The following TEKT5 variants were observed in gnomAD, a reference collection of about 807,000 sequenced individuals.
TEKT5 encodes tektin 5, also known as tektin-5.
Under a neutral mutation model 48.7 loss-of-function variants are expected in TEKT5, and 52 were observed. The ratio of observed to expected loss-of-function variants is 1.07; its 90% confidence interval spans 0.86 to 1.35. The LOEUF is 1.35. Ranked by LOEUF, TEKT5 falls within the 40% of genes most tolerant of loss-of-function variation. The pLI, the probability that TEKT5 is intolerant of heterozygous loss-of-function variation, is 0.00. For missense variants in TEKT5, 831 were observed against 641.6 expected, an observed-to-expected ratio of 1.30 and a Z score of -3.19; for synonymous variants, 318 against 267.6, an observed-to-expected ratio of 1.19 and a Z score of -1.84.
At chr16:10,661,799 G>C (rs1436136619) in intron 5 of TEKT5, among the ~76,000 whole-genome samples, 1 of 152,104 alleles carries the variant, frequency 6.6e-6, no homozygotes, top group Non-Finnish European at 1.5e-5. Flanking sequence ...TGTGGCCTTG[G>C]CAAATCACCA....
At chr16:10,664,894 T>G (rs1335735396) in intron 5 of TEKT5, among the ~76,000 whole-genome samples, 1 of 152,222 alleles carries the variant, frequency 6.6e-6, no homozygotes, top group East Asian at 1.9e-4. Context: ...CACTAAGGGA[T>G]GGGCACAGCT....
intron 4 of TEKT5, among the ~76,000 whole-genome samples, chr16:10,679,805 G>C (rs906443144): frequency 2.0e-5 from 3 of 152,184 alleles, no homozygotes; most frequent in African/African-American, 7.2e-5. Context: ...GCTGAGGCAG[G>C]AGCATCGCTT....
chr16:10,679,484 A>T (rs1264985605), intron 4 of TEKT5, among the ~76,000 whole-genome samples: 1 of 151,564 alleles, frequency 6.6e-6, no homozygotes, highest in Non-Finnish European at 1.5e-5. Flanking sequence ...GTCTACTGCC[A>T]TCATCATTAT....
intron 5 of TEKT5, among the ~76,000 whole-genome samples, chr16:10,670,520 A>G (rs113662967): frequency 4.6e-5 from 7 of 152,352 alleles, no homozygotes; most frequent in African/African-American, 1.4e-4. Flanking sequence ...CTCCACCTCA[A>G]AAAAAGAAGA....
intron 6 of TEKT5, among the ~76,000 whole-genome samples, chr16:10,630,002 C>A (rs2142253346): frequency 6.6e-6 from 1 of 152,180 alleles, no homozygotes; most frequent in Middle Eastern, 3.4e-3. Context: ...GTGGTGCAGT[C>A]AAAGCTCACT....
chr16:10,684,274 T>A (rs562980347), intron 3 of TEKT5, among the ~76,000 whole-genome samples: 1 of 152,172 alleles, frequency 6.6e-6, no homozygotes, highest in African/African-American at 2.4e-5. Flanking sequence ...TCTCTCTGCC[T>A]TTCTCTCTCC....
chr16:10,693,783 A>G (rs1899023187), intron 1 of TEKT5, among the ~76,000 whole-genome samples: 2 of 152,198 alleles, frequency 1.3e-5, no homozygotes, highest in Admixed American at 6.5e-5. Flanking sequence ...CAGCCTGGCC[A>G]ACATAGCAAA....
rs1253574438 is a variant in TEKT5 at position 10,682,151 on chromosome 16, G to C, written c.720-15C>G. The C allele has an allele frequency of 6.2e-7, 1 of 1,613,368 alleles. No homozygotes were observed. On this transcript the variant is annotated splice_polypyrimidine_tract_variant and intron_variant, in intron 3 of 6. Transcript: ENST00000283025. ...CCCGGTTATCCCTGCAGGGAGGGAG[G>C]AGTCATTCCTGGACTATGCACCTGC...
At chr16:10,633,474 G>C (rs1897869143) in intron 6 of TEKT5, among the ~76,000 whole-genome samples, 1 of 152,148 alleles carries the variant, frequency 6.6e-6, no homozygotes, top group African/African-American at 2.4e-5. Context: ...GAGGTCAGCA[G>C]AGCCCAGCCC....
intron 4 of TEKT5, among the ~76,000 whole-genome samples, chr16:10,681,370 ACTCTCTGTCTCTCTCTCTCTCTCT>A (rs1363095712): frequency 6.8e-6 from 1 of 147,950 alleles, no homozygotes; most frequent in Non-Finnish European, 1.5e-5. Flanking sequence ...TCCAGATTCC[ACTCTCTGTCTCTCTCTCTCTCTCT>A]CTCTCTCTCT....
At chr16:10,652,451 A>AACACACACACACAC (rs572277672) in intron 5 of TEKT5, among the ~76,000 whole-genome samples, 7 of 66,776 alleles carry the variant, frequency 1.0e-4, no homozygotes, top group African/African-American at 2.6e-4. Flanking sequence ...TACACAGGCA[A>AACACACACACACAC]ACACACACAC....
intron 5 of TEKT5, 62 bp downstream of exon 5, chr16:10,675,897 A>T: frequency 6.4e-7 from 1 of 1,552,456 alleles, no homozygotes. Context: ...TAACACTCAG[A>T]TTCACGGGAG....
chr16:10,684,028 C>T (rs992033296), intron 3 of TEKT5, among the ~76,000 whole-genome samples: 5 of 152,184 alleles, frequency 3.3e-5, no homozygotes, highest in Non-Finnish European at 7.3e-5. Context: ...CGTAGGCACT[C>T]GCTAAATCCT....
chr16:10,661,601 T>C (rs1367708538), intron 5 of TEKT5, among the ~76,000 whole-genome samples: 1 of 152,172 alleles, frequency 6.6e-6, no homozygotes, highest in African/African-American at 2.4e-5. Context: ...CCAGGCAGTG[T>C]GGACAATTGC....
intron 5 of TEKT5, among the ~76,000 whole-genome samples, chr16:10,654,376 G>A (rs146846911): frequency 2.6e-5 from 4 of 152,266 alleles, no homozygotes; most frequent in African/African-American, 7.2e-5. Flanking sequence ...ATGTCAATTT[G>A]ACTGGCTTGA....
intron 6 of TEKT5, among the ~76,000 whole-genome samples, chr16:10,628,922 A>G (rs965321332): frequency 6.6e-6 from 1 of 150,528 alleles, no homozygotes; most frequent in African/African-American, 2.5e-5. Flanking sequence ...AAAAAAAAAA[A>G]GGAATGAAAT....
rs1898496897 is a variant in TEKT5, at chr16:10,668,507, G to GC, written c.1086+7451dup. Among the ~76,000 whole-genome samples, 3 of 152,152 alleles carry GC rather than the reference G, an allele frequency of 2.0e-5. No individual in the cohort carries two copies. In the South Asian group the frequency reaches 6.2e-4, roughly 32 times the overall value. ...AAGGAATCGGCTGCAAAGCACAAAAGCATTTCCCACTGCACAATGGGTTCC... is the reference window on the plus strand; with the variant it reads ...AAGGAATCGGCTGCAAAGCACAAAAGCCATTTCCCACTGCACAATGGGTTCC... On this transcript the variant is annotated intron_variant, in intron 5 of 6. Transcript: ENST00000283025.
At chr16:10,673,886 A>G (rs1898594027) in intron 5 of TEKT5, among the ~76,000 whole-genome samples, 1 of 151,906 alleles carries the variant, frequency 6.6e-6, no homozygotes, top group Non-Finnish European at 1.5e-5. Context: ...TCCTGACCTC[A>G]AGTAATCCTC....
At chr16:10,639,001 G>T (rs888097705) in intron 5 of TEKT5, among the ~76,000 whole-genome samples, 1 of 152,106 alleles carries the variant, frequency 6.6e-6, no homozygotes, top group Admixed American at 6.5e-5. Flanking sequence ...GGGTCCCAAA[G>T]GCACCTTCAA....
Sources: allele counts gnomAD v4.1 joint callset (sites outside exome capture counted in the v4.1 genomes callset), GRCh38; gene constraint gnomAD v4.1.1; transcripts MANE v1.5; gene names NCBI Gene and HGNC (gene_info 2026-07-23, HGNC 2026-07-21).